Variants in PRKCB observed in about 807,000 individuals in gnomAD.
The protein encoded by PRKCB is protein kinase C beta.
A neutral mutation model predicts 81.5 loss-of-function variants in PRKCB; 13 were observed. The observed-to-expected ratio is 0.16, with a 90% CI of 0.10 to 0.25. PRKCB has a LOEUF of 0.25. Among genes scored for constraint, PRKCB ranks in the 10% least tolerant of loss-of-function variants. The pLI is 1.00. For synonymous variants in PRKCB, 335 were observed against 321.4 expected, an observed-to-expected ratio of 1.04 and a Z score of -0.45; for missense variants, 509 against 875.7, an observed-to-expected ratio of 0.58 and a Z score of 5.29.
At chr16:24,069,568 C>T (rs1190920919) in intron 5 of PRKCB, among the ~76,000 whole-genome samples, 4 of 152,084 alleles carry the variant, frequency 2.6e-5, no homozygotes, top group African/African-American at 9.7e-5. Context: ...TAGTGAGACC[C>T]CATTTCTACA....
intron 12 of PRKCB, 92 bp from the exon 13 acceptor site, chr16:24,180,698 T>C: frequency 7.0e-7 from 1 of 1,422,292 alleles, no homozygotes. Flanking sequence ...ACACAACACC[T>C]AACACAGTGT....
intron 2 of PRKCB, among the ~76,000 whole-genome samples, chr16:23,976,719 C>T (rs1481831056): frequency 6.6e-6 from 1 of 152,116 alleles, no homozygotes; most frequent in Non-Finnish European, 1.5e-5. Context: ...CCCCTTAGAC[C>T]ATGGCATTGT....
At chr16:24,164,642 G>A (rs970171419) in intron 10 of PRKCB, among the ~76,000 whole-genome samples, 1 of 152,192 alleles carries the variant, frequency 6.6e-6, no homozygotes, top group Non-Finnish European at 1.5e-5. Context: ...GAGCTCAGGA[G>A]AGAGGGAGAG....
intron 9 of PRKCB, 22 bp downstream of exon 9, chr16:24,124,003 C>G: frequency 1.2e-6 from 2 of 1,613,460 alleles, no homozygotes; most frequent in Non-Finnish European, 1.7e-6. Flanking sequence ...TTTGGTGGCT[C>G]CACCTGCTTT....
intron 9 of PRKCB, among the ~76,000 whole-genome samples, chr16:24,145,781 G>A (rs1424726832): frequency 6.6e-6 from 1 of 152,212 alleles, no homozygotes; most frequent in Non-Finnish European, 1.5e-5. Flanking sequence ...TTGAAAACCG[G>A]AGGTTGGTGC....
Position 24,045,900 on chromosome 16 carries a change from G to A in PRKCB, c.529+10353G>A, listed in dbSNP as rs1306104937. ...GGCTCCTGCGCAGACCACCACAGGT[G>A]GATGTGCCAGGGGTGATGTGAACCT... On this transcript the variant is annotated intron_variant, in intron 5 of 16. Coordinates refer to ENST00000643927, the MANE Select transcript of PRKCB (RefSeq NM_002738.7). Among the ~76,000 whole-genome samples, 3 of 152,376 alleles carry A rather than the reference G, an allele frequency of 2.0e-5. No individual in the cohort carries two copies. In the East Asian group the frequency reaches 5.8e-4, roughly 29 times the overall value.
chr16:24,093,167 A>G (rs1272586115), intron 6 of PRKCB, among the ~76,000 whole-genome samples: 1 of 152,152 alleles, frequency 6.6e-6, no homozygotes, highest in Non-Finnish European at 1.5e-5. Flanking sequence ...TTTTTTTAAT[A>G]GAGATGAGAA....
At chr16:23,940,299 C>T (rs1964124114) in intron 2 of PRKCB, among the ~76,000 whole-genome samples, 2 of 152,134 alleles carry the variant, frequency 1.3e-5, no homozygotes, top group African/African-American at 4.8e-5. Context: ...TTTTTTAAAA[C>T]ATGCCAACTG....
chr16:24,161,064 T>C (rs1967247351), intron 10 of PRKCB, among the ~76,000 whole-genome samples: 1 of 152,218 alleles, frequency 6.6e-6, no homozygotes, highest in African/African-American at 2.4e-5. Context: ...TTGATGTTTT[T>C]CTTTCTAGAG....
chr16:23,898,059 C>G (rs1963408629), intron 2 of PRKCB, among the ~76,000 whole-genome samples: 1 of 140,858 alleles, frequency 7.1e-6, no homozygotes, highest in Non-Finnish European at 1.5e-5. Context: ...CACCACCATG[C>G]CCGGCTAATT....
rs555277180 is a variant in PRKCB, at chr16:23,939,482, C to G, written c.206-49026C>G. 1.1e-4 allele frequency among the ~76,000 whole-genome samples: 16 copies of G among 152,310 alleles called. No homozygotes were observed. The East Asian group carries it at 2.3e-3, about 22-fold the overall frequency. The stretch of plus-strand genomic sequence containing the variant: ...AGGAATCAGTCTACCGTAGTCAAGA[C>G]TATGTGATATTGGTGGAGGGACAGA... On this transcript the variant is annotated intron_variant, in intron 2 of 16. Coordinates refer to ENST00000643927, the MANE Select transcript of PRKCB (RefSeq NM_002738.7).
At chr16:24,177,011 C>G (rs2141969694) in intron 12 of PRKCB, among the ~76,000 whole-genome samples, 1 of 152,190 alleles carries the variant, frequency 6.6e-6, no homozygotes, top group South Asian at 2.1e-4. Context: ...ATTTTTCACT[C>G]TACATGATTT....
chr16:23,866,982 CCTTCCCTTCCTTCCCT>C (rs1962804754), intron 2 of PRKCB, among the ~76,000 whole-genome samples: 827 of 69,762 alleles, frequency 0.012, 17 homozygotes, highest in African/African-American at 0.044. Context: ...TCCTTCCCTT[CCTTCCCTTCCTTCCCT>C]TCCTTCCTTC....
intron 2 of PRKCB, among the ~76,000 whole-genome samples, chr16:23,888,864 T>C (rs760161915): frequency 2.0e-5 from 3 of 152,166 alleles, no homozygotes; most frequent in Non-Finnish European, 4.4e-5. Context: ...GTCCCTGGCC[T>C]TGTGCTTCAG....
intron 2 of PRKCB, 138 bp from the exon 3 acceptor site, chr16:23,988,370 A>T (rs1053992639): frequency 1.5e-6 from 1 of 645,446 alleles, no homozygotes; most frequent in African/African-American, 1.8e-5. Flanking sequence ...GCAGAAGCTG[A>T]CATTATTGTT....
At chr16:24,096,669 ATATATATATATAT>A (rs1567372917) in intron 7 of PRKCB, among the ~76,000 whole-genome samples, 358 of 20,436 alleles carry the variant, frequency 0.018, 15 homozygotes, top group African/African-American at 0.041. Context: ...AAAAAAAAAT[ATATATATATATAT>A]ATATATATAT....
chr16:23,915,769 A>G (rs1280646066), intron 2 of PRKCB, among the ~76,000 whole-genome samples: 1 of 151,070 alleles, frequency 6.6e-6, no homozygotes, highest in African/African-American at 2.4e-5. Flanking sequence ...CAATTCTTAA[A>G]TGCTTGCTTA....
At chr16:23,968,020 T>C (rs1243770649) in intron 2 of PRKCB, among the ~76,000 whole-genome samples, 1 of 152,208 alleles carries the variant, frequency 6.6e-6, no homozygotes, top group Non-Finnish European at 1.5e-5. Context: ...GGGTGCATGC[T>C]CTCTGGTTTT....
At chr16:23,948,591 A>G (rs970812656) in intron 2 of PRKCB, among the ~76,000 whole-genome samples, 8 of 130,246 alleles carry the variant, frequency 6.1e-5, no homozygotes, top group Non-Finnish European at 1.2e-4. Flanking sequence ...TTTAGTAGAG[A>G]CTAATAAGGT....
Sources: allele counts gnomAD v4.1 joint callset (sites outside exome capture counted in the v4.1 genomes callset), GRCh38; gene constraint gnomAD v4.1.1; transcripts MANE v1.5; gene names NCBI Gene and HGNC (gene_info 2026-07-23, HGNC 2026-07-21).